FUT8: variants seen among roughly 807,000 people sequenced by gnomAD.
FUT8 encodes the protein alpha-(1,6)-fucosyltransferase.
In FUT8, 29 loss-of-function variants were observed where a neutral mutation model predicts 71.3. The observed-to-expected ratio is 0.41, with a 90% CI of 0.30 to 0.55. The LOEUF (loss-of-function observed/expected upper bound fraction) is 0.55, where lower values mean the gene tolerates loss of function less well. Among genes scored for constraint, FUT8 ranks in the 20% least tolerant of loss-of-function variants. The probability of loss-of-function intolerance (pLI) is 0.34; values close to 1 mark genes in which losing one functional copy is unlikely to be tolerated. For missense variants in FUT8, 544 were observed against 702.1 expected, an observed-to-expected ratio of 0.77 and a Z score of 2.55; for synonymous variants, 254 against 239.3, an observed-to-expected ratio of 1.06 and a Z score of -0.57.
intron 6 of FUT8, among the ~76,000 whole-genome samples, chr14:65,637,735 A>T (rs1347904552): frequency 6.6e-6 from 1 of 152,040 alleles, no homozygotes; most frequent in Non-Finnish European, 1.5e-5. Context: ...GTAGAGTAGG[A>T]TTTCTTAAGC....
Position 65,616,392 on chromosome 14 carries a change from A to G in FUT8, c.482+19A>G, listed in dbSNP as rs369578832. On this transcript the variant is annotated intron_variant, in intron 5 of 10. Coordinates refer to ENST00000673929, the MANE Select transcript of FUT8 (RefSeq NM_001371533.1). ...ATGAAAGGTACTATTCTCCTTTCAC[A>G]TTTTATTTGGGCTTTAGAAAAGATT... 5.2e-6 allele frequency: 8 copies of G among 1,532,210 alleles called. No individual in the cohort carries two copies. Among genetic ancestry groups the G allele is most frequent in the Admixed American group, 2.1e-5 (1 of 47,618 alleles). The allele number at this position is 1,532,210 out of a possible 1,614,324, so 94.9% of individuals were successfully genotyped here.
At chr14:65,562,737 A>T (rs1267641072) in intron 3 of FUT8, among the ~76,000 whole-genome samples, 1 of 152,140 alleles carries the variant, frequency 6.6e-6, no homozygotes, top group Non-Finnish European at 1.5e-5. Flanking sequence ...TCTTTGAGAA[A>T]CACATAAATT....
chr14:65,698,459 G>A (rs779088561), intron 7 of FUT8, among the ~76,000 whole-genome samples: 7 of 152,166 alleles, frequency 4.6e-5, no homozygotes, highest in Admixed American at 2.6e-4. Context: ...ATGTATTTCT[G>A]AAGTATTGTG....
At position 65,467,738 on chromosome 14, in the gene FUT8, T is replaced by A. The variant is rs2139613858; in HGVS notation, c.-228+12020T>A. Reference sequence around the variant, plus strand: ...GTCTGCCCGCCTCAGCCTCCCAAAGTGCTGGGATTACAGGTGTGAGCCACC... The same window carrying A: ...GTCTGCCCGCCTCAGCCTCCCAAAGAGCTGGGATTACAGGTGTGAGCCACC... On this transcript the variant is annotated intron_variant, in intron 2 of 10. Transcript: ENST00000673929. This position sits in a 1 kb window ranked among gnomAD's most constrained non-coding sequence, Gnocchi z 4.1. The A allele has an allele frequency of 2.0e-6, 1 of 504,592 alleles. No individual in the cohort carries two copies. Among genetic ancestry groups the A allele is most frequent in the South Asian group, 1.9e-5 (1 of 51,432 alleles). 31.3% of individuals were successfully genotyped at this position (504,592 alleles called of 1,614,324 possible).
intron 6 of FUT8, among the ~76,000 whole-genome samples, chr14:65,637,850 T>G (rs997725866): frequency 6.6e-6 from 1 of 152,096 alleles, no homozygotes; most frequent in Non-Finnish European, 1.5e-5. Flanking sequence ...TCGTCGTGGA[T>G]TTTGCCCAAA....
At chr14:65,610,514 C>T (rs554363308) in intron 3 of FUT8, among the ~76,000 whole-genome samples, 43 of 151,760 alleles carry the variant, frequency 2.8e-4, no homozygotes, top group African/African-American at 9.7e-4. Flanking sequence ...CTCAGCCTCC[C>T]GAGTAGCTGG....
At chr14:65,407,180 T>G (rs1316324027), upstream of FUT8, among the ~76,000 whole-genome samples, 1 of 152,212 alleles carries the variant, frequency 6.6e-6, no homozygotes, top group South Asian at 2.1e-4. Context: ...ACAAAAAAGC[T>G]AGTAAGTCTG....
chr14:65,421,520 A>G (rs941496192), intron 1 of FUT8, among the ~76,000 whole-genome samples: 1 of 152,202 alleles, frequency 6.6e-6, no homozygotes, highest in Non-Finnish European at 1.5e-5. Context: ...CAGTGCCCAT[A>G]TCAGAGAAGG....
intron 7 of FUT8, among the ~76,000 whole-genome samples, chr14:65,677,151 T>TGCGCGCGCGCGCGCGCAC (rs1555383259): frequency 1.8e-5 from 2 of 110,702 alleles, no homozygotes; most frequent in Non-Finnish European, 3.6e-5. Flanking sequence ...TGTGTGTGTG[T>TGCGCGCGCGCGCGCGCAC]GCGCGCGCGC....
At position 65,627,887 on chromosome 14, in the gene FUT8, C is replaced by G. The variant is rs957045455; in HGVS notation, c.483-1605C>G. On this transcript the variant is annotated intron_variant, in intron 5 of 10. Coordinates refer to ENST00000673929, the MANE Select transcript of FUT8 (RefSeq NM_001371533.1). This position sits in a 1 kb window ranked among gnomAD's most constrained non-coding sequence, Gnocchi z 4.0. ...GAGAGATACTTTAACAACTGCCTGA[C>G]CATCACCTGATGGTCGCCTGACATT... 1.3e-5 allele frequency among the ~76,000 whole-genome samples: 2 copies of G among 152,144 alleles called. No homozygotes were observed. The highest frequency in any genetic ancestry group is 4.8e-5 in the African/African-American group (2 of 41,432).
chr14:65,636,608 A>AT (rs1427117250), intron 6 of FUT8: 1 of 152,142 alleles, frequency 6.6e-6, no homozygotes, highest in African/African-American at 2.4e-5. Flanking sequence ...TGACCCAGTG[A>AT]TCATTCAGGA....
At chr14:65,555,921 T>C (rs1452383930) in intron 2 of FUT8, among the ~76,000 whole-genome samples, 1 of 152,190 alleles carries the variant, frequency 6.6e-6, no homozygotes, top group African/African-American at 2.4e-5. Context: ...ATCTCTTATT[T>C]GCTGTAAATT....
At chr14:65,499,275 A>G (rs1453193327) in intron 2 of FUT8, among the ~76,000 whole-genome samples, 1 of 151,890 alleles carries the variant, frequency 6.6e-6, no homozygotes, top group Non-Finnish European at 1.5e-5. Context: ...CCCTTATAGC[A>G]TTTTCATTAC....
intron 5 of FUT8, among the ~76,000 whole-genome samples, chr14:65,621,604 C>T (rs893155938): frequency 4.8e-4 from 73 of 152,002 alleles, no homozygotes; most frequent in African/African-American, 1.7e-3. Context: ...TCTTGTTGCC[C>T]AGGCTGGAGT....
chr14:65,375,223 C>A, the FUT8 span, among the ~76,000 whole-genome samples: 1 of 152,112 alleles, frequency 6.6e-6, no homozygotes. Flanking sequence ...TTTCTGCCAA[C>A]TCATATCATC....
the FUT8 span, among the ~76,000 whole-genome samples, chr14:65,366,807 A>G: frequency 6.6e-6 from 1 of 152,198 alleles, no homozygotes; most frequent in East Asian, 1.9e-4. Context: ...CAGTCAGTTA[A>G]AAGGTTTAAA....
intron 6 of FUT8, among the ~76,000 whole-genome samples, chr14:65,642,107 C>A (rs1422834604): frequency 3.3e-5 from 5 of 151,876 alleles, no homozygotes; most frequent in African/African-American, 4.8e-5. Flanking sequence ...TTTTGTGAAG[C>A]CTAAGGTGAC....
At chr14:65,644,586 C>T (rs566805812) in intron 6 of FUT8, among the ~76,000 whole-genome samples, 1 of 152,190 alleles carries the variant, frequency 6.6e-6, no homozygotes, top group African/African-American at 2.4e-5. Flanking sequence ...TGGTCTCGAT[C>T]TCCTGACCTC....
chr14:65,402,690 G>C, the FUT8 span, among the ~76,000 whole-genome samples: 7 of 151,988 alleles, frequency 4.6e-5, no homozygotes, highest in African/African-American at 7.3e-5. Context: ...GTAGAGATGG[G>C]GTTCTTGCCA....
Sources: allele counts gnomAD v4.1 joint callset (sites outside exome capture counted in the v4.1 genomes callset), GRCh38; gene constraint gnomAD v4.1.1; non-coding constraint Gnocchi (gnomAD v3.1); transcripts MANE v1.5; gene names NCBI Gene and HGNC (gene_info 2026-07-23, HGNC 2026-07-21).